Variants in NTRK2 observed in about 807,000 individuals in gnomAD.
NTRK2 encodes BDNF/NT-3 growth factors receptor.
A neutral mutation model predicts 94.5 loss-of-function variants in NTRK2; 13 were observed. That is an observed-to-expected ratio of 0.14 (90% confidence interval 0.09 to 0.22). NTRK2 has a LOEUF of 0.22. Among genes scored for constraint, NTRK2 ranks in the 10% least tolerant of loss-of-function variants. The probability of loss-of-function intolerance (pLI) is 1.00; values close to 1 mark genes in which losing one functional copy is unlikely to be tolerated. For missense variants in NTRK2, 639 were observed against 1,071.2 expected (o/e 0.60, Z 5.63); for synonymous variants, 372 against 407.4 (o/e 0.91, Z 1.05).
chr9:84,726,715 G>A (rs2062486335), intron 8 of NTRK2, among the ~76,000 whole-genome samples: 1 of 152,108 alleles, frequency 6.6e-6, no homozygotes, highest in Admixed American at 6.5e-5. Flanking sequence ...ACCTTGATGA[G>A]CTCACTTAAC....
At chr9:84,865,286 T>C (rs192339298) in intron 13 of NTRK2, among the ~76,000 whole-genome samples, 2 of 152,134 alleles carry the variant, frequency 1.3e-5, no homozygotes, top group African/African-American at 2.4e-5. Context: ...GTTTGCAGAA[T>C]TGAGCCGGAG....
intron 12 of NTRK2, among the ~76,000 whole-genome samples, chr9:84,847,183 T>C (rs1167832704): frequency 6.6e-6 from 1 of 152,192 alleles, no homozygotes. Flanking sequence ...GAGCAGGACA[T>C]TTACATCTCC....
chr9:85,015,217 A>G (rs1315018875), intron 17 of NTRK2, among the ~76,000 whole-genome samples: 1 of 152,208 alleles, frequency 6.6e-6, no homozygotes, highest in Non-Finnish European at 1.5e-5. Context: ...ATTCCCAGAC[A>G]TAATAGTTCC....
chr9:84,753,093 T>C (rs1462314653), intron 12 of NTRK2, among the ~76,000 whole-genome samples: 2 of 152,290 alleles, frequency 1.3e-5, no homozygotes, highest in East Asian at 3.9e-4. Context: ...TTTCCTCTTT[T>C]CCCTTTGTTG....
intron 2 of NTRK2, among the ~76,000 whole-genome samples, chr9:84,674,291 T>C (rs1446558137): frequency 6.6e-6 from 1 of 152,196 alleles, no homozygotes; most frequent in African/African-American, 2.4e-5. Context: ...GGGGGTAATA[T>C]TTGAGAACAG....
At chr9:84,819,333 G>T (rs2072630627) in intron 12 of NTRK2, among the ~76,000 whole-genome samples, 1 of 152,190 alleles carries the variant, frequency 6.6e-6, no homozygotes, top group Admixed American at 6.5e-5. Context: ...CAAGCCCCTT[G>T]AGTCGGGGTA....
chr9:84,939,640 G>T (rs1293149526), intron 15 of NTRK2, among the ~76,000 whole-genome samples: 1 of 151,968 alleles, frequency 6.6e-6, no homozygotes, highest in Non-Finnish European at 1.5e-5. Context: ...AGGCCTCAGG[G>T]GAATACAAGC....
chr9:84,954,774 G>A (rs1391319888), intron 16 of NTRK2, among the ~76,000 whole-genome samples: 1 of 152,206 alleles, frequency 6.6e-6, no homozygotes, highest in Non-Finnish European at 1.5e-5. Flanking sequence ...GGACACTCTG[G>A]AGGAATCAGC....
intron 14 of NTRK2, among the ~76,000 whole-genome samples, chr9:84,907,723 T>C (rs574256262): frequency 6.6e-6 from 1 of 152,100 alleles, no homozygotes; most frequent in East Asian, 1.9e-4. Flanking sequence ...ACTCTTTGCT[T>C]TTCCTGGTTT....
At chr9:84,841,402 A>G (rs777034071) in intron 12 of NTRK2, among the ~76,000 whole-genome samples, 15 of 152,172 alleles carry the variant, frequency 9.9e-5, no homozygotes, top group Non-Finnish European at 1.9e-4. Context: ...AGCCTATATT[A>G]GCTCTGCCTT....
At chr9:84,920,200 G>A (rs890353268) in intron 14 of NTRK2, among the ~76,000 whole-genome samples, 13 of 152,136 alleles carry the variant, frequency 8.5e-5, no homozygotes, top group African/African-American at 2.4e-4. Context: ...TTCATAAGGT[G>A]GAGGGACATT....
intron 14 of NTRK2, among the ~76,000 whole-genome samples, chr9:84,894,185 A>AGGGCGG (rs1291296307): frequency 6.8e-6 from 1 of 146,748 alleles, no homozygotes; most frequent in Admixed American, 6.8e-5. Context: ...TTTTTATAAC[A>AGGGCGG]CATTGAATAG....
chr9:84,866,785 A>G (rs952458499), intron 13 of NTRK2, among the ~76,000 whole-genome samples: 2 of 152,230 alleles, frequency 1.3e-5, no homozygotes, highest in Non-Finnish European at 2.9e-5. Flanking sequence ...AGCATTATTC[A>G]TAATAGCCAA....
At chr9:84,915,688 T>A (rs1312447121) in intron 14 of NTRK2, among the ~76,000 whole-genome samples, 1 of 152,132 alleles carries the variant, frequency 6.6e-6, no homozygotes, top group Non-Finnish European at 1.5e-5. Context: ...TTGTCTAGGG[T>A]TTTTAGTTGT....
intron 17 of NTRK2, among the ~76,000 whole-genome samples, chr9:85,006,965 A>T (rs1453867634): frequency 6.6e-6 from 1 of 152,046 alleles, no homozygotes; most frequent in Non-Finnish European, 1.5e-5. Context: ...TCCCATATTT[A>T]TTTCATACAG....
intron 12 of NTRK2, among the ~76,000 whole-genome samples, chr9:84,761,472 G>C (rs1235850834): frequency 6.6e-6 from 1 of 152,132 alleles, no homozygotes; most frequent in Non-Finnish European, 1.5e-5. Context: ...ATTGCATAAA[G>C]ACCAGAAATA....
intron 12 of NTRK2, among the ~76,000 whole-genome samples, chr9:84,767,602 C>T (rs1358745968): frequency 3.3e-5 from 5 of 152,170 alleles, no homozygotes; most frequent in Non-Finnish European, 5.9e-5. Flanking sequence ...CACATTTAGC[C>T]TAGGAATGAC....
At chr9:84,870,819 G>A (rs1445885544) in intron 14 of NTRK2, among the ~76,000 whole-genome samples, 2 of 152,138 alleles carry the variant, frequency 1.3e-5, no homozygotes, top group East Asian at 3.9e-4. Context: ...ATCCAACAGA[G>A]ACTTGAGCCA....
At chr9:84,895,750 C>T (rs1340929368) in intron 14 of NTRK2, among the ~76,000 whole-genome samples, 1 of 152,172 alleles carries the variant, frequency 6.6e-6, no homozygotes, top group African/African-American at 2.4e-5. Flanking sequence ...CGCAGGATCT[C>T]CTCCCTTCTC....
Sources: gnomAD v4.1 joint callset for allele counts (sites outside exome capture counted in the v4.1 genomes callset) on GRCh38, gnomAD v4.1.1 for gene constraint, MANE v1.5 for transcripts, NCBI Gene and HGNC (gene_info 2026-07-23, HGNC 2026-07-21) for gene names.